ADGRL3: variants seen among roughly 807,000 people sequenced by gnomAD.
ADGRL3 encodes the protein calcium-independent alpha-latrotoxin receptor 3.
ADGRL3 carries 62 observed loss-of-function variants against 153.5 expected under a neutral mutation model. The observed-to-expected ratio is 0.40, with a 90% CI of 0.33 to 0.50. ADGRL3 has a LOEUF of 0.50. ADGRL3 is among the 20% of genes least tolerant of loss of function. ADGRL3 has a pLI of 0.47. For missense variants in ADGRL3, 1,641 were observed against 1,859.4 expected (o/e 0.88, Z 2.16); for synonymous variants, 710 against 672.5 (o/e 1.06, Z -0.86).
Position 61,327,500 on chromosome 4 carries a change from G to C in ADGRL3, c.-239-55624G>C, listed in dbSNP as rs150579081. On this transcript the variant is annotated intron_variant, in intron 1 of 26. Coordinates refer to ENST00000683033, the MANE Select transcript of ADGRL3 (RefSeq NM_001387552.1). ...ATGAAAACTAGTTTAGACTTGTTGA[G>C]TTCAAAGTTCTTCTAGATGCCATAA... Among the ~76,000 whole-genome samples, 318 of 151,930 alleles carry C rather than the reference G, an allele frequency of 2.1e-3. 5 individuals are homozygous for C. The highest frequency in any genetic ancestry group is 0.017 in the Admixed American group (265 of 15,220).
At chr4:61,982,102 C>T (rs549178914) in intron 18 of ADGRL3, among the ~76,000 whole-genome samples, 1 of 152,102 alleles carries the variant, frequency 6.6e-6, no homozygotes, top group South Asian at 2.1e-4. Context: ...TCATTTTATT[C>T]TCTTGTTAGC....
At chr4:61,957,063 T>A (rs1048908732) in intron 17 of ADGRL3, among the ~76,000 whole-genome samples, 1 of 152,182 alleles carries the variant, frequency 6.6e-6, no homozygotes, top group African/African-American at 2.4e-5. Flanking sequence ...TTTTTTCTAA[T>A]TCTGTGAAGA....
chr4:61,786,461 G>A (rs2097276526), intron 8 of ADGRL3, among the ~76,000 whole-genome samples: 1 of 152,160 alleles, frequency 6.6e-6, no homozygotes. Flanking sequence ...AGAAAGAATA[G>A]GAAGAGCATT....
intron 8 of ADGRL3, among the ~76,000 whole-genome samples, chr4:61,801,972 A>G (rs2097503043): frequency 6.6e-6 from 1 of 152,082 alleles, no homozygotes; most frequent in Admixed American, 6.6e-5. Flanking sequence ...AGACATTTCT[A>G]TCTGAAATGT....
At position 61,699,676 on chromosome 4, in the gene ADGRL3, G is replaced by T. The variant is rs540546988; in HGVS notation, c.583+22741G>T. Among the ~76,000 whole-genome samples the T allele has an allele frequency of 3.3e-5, 5 of 152,076 alleles. No homozygotes were observed. In the East Asian group the frequency reaches 5.8e-4, roughly 18 times the overall value. On this transcript the variant is annotated intron_variant, in intron 6 of 26. Coordinates refer to ENST00000683033, the MANE Select transcript of ADGRL3 (RefSeq NM_001387552.1). ...CTAACATTGTATGTTCGACATTTTT[G>T]ATCTTATCTTTTAACCACATGTTCA...
At chr4:62,067,841 G>T (rs1458074243) in intron 25 of ADGRL3, among the ~76,000 whole-genome samples, 1 of 151,922 alleles carries the variant, frequency 6.6e-6, no homozygotes, top group Non-Finnish European at 1.5e-5. Flanking sequence ...GTCATGGTCT[G>T]CCCTCAAATT....
At chr4:61,492,016 G>GAAAA (rs1212033133) in intron 2 of ADGRL3, among the ~76,000 whole-genome samples, 5 of 81,336 alleles carry the variant, frequency 6.1e-5, no homozygotes, top group South Asian at 1.2e-3. Context: ...ATGGAACAAT[G>GAAAA]AAAAAAACAA....
intron 2 of ADGRL3, among the ~76,000 whole-genome samples, chr4:61,395,911 C>T (rs971189265): frequency 6.6e-6 from 1 of 151,622 alleles, no homozygotes; most frequent in Non-Finnish European, 1.5e-5. Flanking sequence ...ATTTGTTATC[C>T]CACCTGTTGA....
At chr4:61,481,234 T>C (rs1036522434) in intron 2 of ADGRL3, among the ~76,000 whole-genome samples, 5 of 152,188 alleles carry the variant, frequency 3.3e-5, no homozygotes, top group African/African-American at 9.7e-5. Context: ...ATGACAAAGT[T>C]TTATTCATGC....
intron 1 of ADGRL3, among the ~76,000 whole-genome samples, chr4:61,373,845 A>G (rs2096570670): frequency 6.6e-6 from 1 of 152,244 alleles, no homozygotes; most frequent in South Asian, 2.1e-4. Context: ...AAAGGATGAT[A>G]TGAATTTTCC....
chr4:61,717,644 A>T (rs1465960082), intron 6 of ADGRL3, among the ~76,000 whole-genome samples: 1 of 152,138 alleles, frequency 6.6e-6, no homozygotes, highest in Admixed American at 6.6e-5. Flanking sequence ...TGTTTCTATA[A>T]ATTCTTCTTG....
At chr4:61,723,928 A>T (rs1243812860) in intron 6 of ADGRL3, among the ~76,000 whole-genome samples, 1 of 152,152 alleles carries the variant, frequency 6.6e-6, no homozygotes, top group Non-Finnish European at 1.5e-5. Context: ...ATGAGTTTCG[A>T]TGAGGATGAA....
chr4:61,433,484 GACTT>G lies in ADGRL3; in HGVS notation c.-174+50300_-174+50303del, dbSNP rs571206834. On this transcript the variant is annotated intron_variant, in intron 2 of 26. Coordinates refer to ENST00000683033, the MANE Select transcript of ADGRL3 (RefSeq NM_001387552.1). ...ATCAATAGTATTTTAAGCATTTAAG[GACTT>G]ACTTTTTTCTGAAAACTTTTTTTAA... Among the ~76,000 whole-genome samples the G allele has an allele frequency of 1.6e-4, 24 of 152,084 alleles. No homozygotes were observed. The South Asian group carries it at 4.6e-3, about 29-fold the overall frequency.
chr4:61,204,598 G>A (rs770244200), intron 1 of ADGRL3, among the ~76,000 whole-genome samples: 3 of 152,162 alleles, frequency 2.0e-5, no homozygotes, highest in Non-Finnish European at 2.9e-5. Flanking sequence ...AGGTGAATGT[G>A]TCAGAGTATT....
At chr4:61,271,783 T>C (rs2093194824) in intron 1 of ADGRL3, among the ~76,000 whole-genome samples, 1 of 152,048 alleles carries the variant, frequency 6.6e-6, no homozygotes, top group Non-Finnish European at 1.5e-5. Flanking sequence ...TTAGATGTCA[T>C]GAACATCTCT....
chr4:61,381,939 A>G (rs888242747), intron 1 of ADGRL3, among the ~76,000 whole-genome samples: 2 of 152,008 alleles, frequency 1.3e-5, no homozygotes, highest in Non-Finnish European at 2.9e-5. Context: ...ACTCACTCCA[A>G]AAGATACAGT....
chr4:62,038,033 T>C (rs887829454), intron 24 of ADGRL3, among the ~76,000 whole-genome samples, 177 bp downstream of exon 24: 1 of 152,160 alleles, frequency 6.6e-6, no homozygotes, highest in African/African-American at 2.4e-5. Flanking sequence ...TGTAATAATA[T>C]GATGAAATTT....
At position 61,356,404 on chromosome 4, in the gene ADGRL3, A is replaced by G. The variant is rs577699147; in HGVS notation, c.-239-26720A>G. 6.6e-5 allele frequency among the ~76,000 whole-genome samples: 10 copies of G among 152,208 alleles called. No individual in the cohort carries two copies. The East Asian group carries it at 1.9e-3, about 29-fold the overall frequency. Reference sequence around the variant, plus strand: ...TGGAACACTGTTTTGTTATTTCAGTAAAAGTGATTCTAGATATTAAGAAAA... The same window carrying G: ...TGGAACACTGTTTTGTTATTTCAGTGAAAGTGATTCTAGATATTAAGAAAA... On this transcript the variant is annotated intron_variant, in intron 1 of 26. Coordinates refer to ENST00000683033, the MANE Select transcript of ADGRL3 (RefSeq NM_001387552.1).
chr4:61,451,949 C>T (rs1379095632), intron 2 of ADGRL3, among the ~76,000 whole-genome samples: 1 of 152,152 alleles, frequency 6.6e-6, no homozygotes, highest in Non-Finnish European at 1.5e-5. Context: ...ATGTATTGAA[C>T]TTTGATTTTG....
Sources: gnomAD v4.1 joint callset for allele counts (sites outside exome capture counted in the v4.1 genomes callset) on GRCh38, gnomAD v4.1.1 for gene constraint, MANE v1.5 for transcripts, NCBI Gene and HGNC (gene_info 2026-07-23, HGNC 2026-07-21) for gene names.